The following BARD1 variants were observed in gnomAD, a reference collection of about 807,000 sequenced individuals.
BARD1 encodes BRCA1 associated RING domain 1, also known as BRCA1-associated RING domain protein 1.
Under a neutral mutation model 77.0 loss-of-function variants are expected in BARD1, and 73 were observed. The observed-to-expected ratio is 0.95, with a 90% CI of 0.79 to 1.15. The LOEUF (loss-of-function observed/expected upper bound fraction) is 1.15, where lower values mean the gene tolerates loss of function less well. Among genes scored for constraint, BARD1 ranks in the 50% most tolerant of loss-of-function variants. The pLI, the probability that BARD1 is intolerant of heterozygous loss-of-function variation, is 0.00. For synonymous variants in BARD1, 384 were observed against 338.0 expected, an observed-to-expected ratio of 1.14 and a Z score of -1.49; for missense variants, 993 against 938.8, an observed-to-expected ratio of 1.06 and a Z score of -0.75.
At chr2:214,801,607 GC>G (rs1167798216) in intron 1 of BARD1, among the ~76,000 whole-genome samples, 1 of 152,050 alleles carries the variant, frequency 6.6e-6, no homozygotes, top group East Asian at 1.9e-4. Flanking sequence ...ACTATTATTA[GC>G]CTATGTCCAT....
intron 1 of BARD1, 128 bp from the exon 2 acceptor site, chr2:214,797,245 G>A (rs1261689032): frequency 2.5e-6 from 2 of 795,310 alleles, no homozygotes; most frequent in African/African-American, 3.4e-5. Flanking sequence ...TATTAAGGAT[G>A]CATTCATTTG....
intron 6 of BARD1, among the ~76,000 whole-genome samples, chr2:214,766,908 T>A (rs1420135723): frequency 6.6e-6 from 1 of 152,096 alleles, no homozygotes; most frequent in Non-Finnish European, 1.5e-5. Flanking sequence ...GTTGTACAGA[T>A]TATTTCACCA....
chr2:214,763,213 CGAA>C (rs770308923), intron 6 of BARD1, among the ~76,000 whole-genome samples: 18 of 152,112 alleles, frequency 1.2e-4, no homozygotes, highest in Non-Finnish European at 2.4e-4. Flanking sequence ...TTTCAAAACT[CGAA>C]GTTCTTCTTC....
In BARD1 at chr2:214,726,304, G is replaced by C. The variant is rs1219630478; in HGVS notation, c.*2372C>G. On this transcript the variant is annotated 3_prime_UTR_variant, in exon 11 of 11. Transcript: ENST00000260947. ...AAAGTGGCAGCTGTCAAGGAAAAAG[G>C]GAAACAGTTATAAATTCAAGTAGAA... is the stretch of plus-strand genomic sequence containing the variant. The C allele has an allele frequency of 5.0e-6, 1 of 199,902 alleles. No individual in the cohort carries two copies. Among genetic ancestry groups the C allele is most frequent in the Non-Finnish European group, 1.0e-5 (1 of 96,782 alleles). 12.4% of individuals were successfully genotyped at this position (199,902 alleles called of 1,614,324 possible). A position where few individuals can be genotyped will look rare whatever the true frequency, so the allele number is the denominator to read the frequency against.
At chr2:214,748,481 A>G (rs1275155787) in intron 7 of BARD1, among the ~76,000 whole-genome samples, 2 of 152,152 alleles carry the variant, frequency 1.3e-5, no homozygotes, top group African/African-American at 4.8e-5. Flanking sequence ...AGATAAAATC[A>G]TTAGTTTTTC....
chr2:214,781,299 G>A lies in BARD1; in HGVS notation c.575C>T (p.Ser192Phe). Residue 192 changes from serine to phenylalanine, a missense_variant, in exon 4 of 11, where the codon TCT becomes TTT. Coordinates refer to ENST00000260947, the MANE Select transcript of BARD1 (RefSeq NM_000465.4). Reference protein sequence around the residue: ...FVSPSPPADVSERAKKASARS... With the variant: ...FVSPSPPADVFERAKKASARS... ...TGCAGAAGCCTTTTTAGCCCTCTCA[G>A]AAACATCTGCAGGAGGACTTGGGGA... is the stretch of plus-strand genomic sequence containing the variant. 6.2e-7 allele frequency: 1 copy of A among 1,608,574 alleles called. No individual in the cohort carries two copies. The highest frequency in any genetic ancestry group is 8.5e-7 in the Non-Finnish European group (1 of 1,178,676).
chr2:214,795,931 C>T (rs763768044), intron 2 of BARD1, among the ~76,000 whole-genome samples: 3 of 152,104 alleles, frequency 2.0e-5, no homozygotes, highest in Admixed American at 6.5e-5. Context: ...TGCTGGATAT[C>T]CCTCGTATAA....
At chr2:214,768,806 A>G (rs1405388475) in intron 5 of BARD1, among the ~76,000 whole-genome samples, 1 of 152,234 alleles carries the variant, frequency 6.6e-6, no homozygotes, top group East Asian at 1.9e-4. Context: ...CTACAATTGG[A>G]TAGGGTATAA....
At position 214,781,014 on chromosome 2, in the gene BARD1, T is replaced by C; in HGVS notation, c.860A>G (p.Glu287Gly). ...ATTCCTGCTCTTAGTGTCTGGAGACTCTATTTGCTCAGCCAATGGTAAAGA... is the reference window on the plus strand; with the variant it reads ...ATTCCTGCTCTTAGTGTCTGGAGACCCTATTTGCTCAGCCAATGGTAAAGA... ...EVSLPLAEQI[E>G]SPDTKSRNEV... The change falls in exon 4 of 11, where the codon GAG becomes GGG. Residue 287 changes from glutamate (E) to glycine (G), a missense_variant. Coordinates refer to ENST00000260947, the MANE Select transcript of BARD1 (RefSeq NM_000465.4). 6.2e-7 allele frequency: 1 copy of C among 1,612,696 alleles called. No homozygotes were observed. Among genetic ancestry groups the C allele is most frequent in the Non-Finnish European group, 8.5e-7 (1 of 1,179,372 alleles).
intron 9 of BARD1, among the ~76,000 whole-genome samples, chr2:214,744,087 C>T (rs1349216971): frequency 6.6e-6 from 1 of 152,070 alleles, no homozygotes; most frequent in Non-Finnish European, 1.5e-5. Context: ...GATATGTTAA[C>T]TATTAAGGAG....
At chr2:214,807,014 T>C (rs77412728) in intron 1 of BARD1, among the ~76,000 whole-genome samples, 11,691 of 152,188 alleles carry the variant, frequency 0.077, 526 homozygotes, top group African/African-American at 0.13. Context: ...AAGCCAGCAG[T>C]CTGTTTCTGT....
At position 214,751,983 on chromosome 2, in the gene BARD1, G is replaced by T. The variant is rs547383553; in HGVS notation, c.1677+464C>A. ...GCAGCCTCCTCACTTCAACATTCAGGCTTCAATTCAAATCAGTGCTTTAAG... is the reference window on the plus strand; with the variant it reads ...GCAGCCTCCTCACTTCAACATTCAGTCTTCAATTCAAATCAGTGCTTTAAG... On this transcript the variant is annotated intron_variant, in intron 7 of 10. Transcript: ENST00000260947. 3.9e-5 allele frequency among the ~76,000 whole-genome samples: 6 copies of T among 152,138 alleles called. No individual in the cohort carries two copies. In the South Asian group the frequency reaches 1.0e-3, roughly 26 times the overall value.
At chr2:214,759,400 A>T (rs1172305941) in intron 6 of BARD1, among the ~76,000 whole-genome samples, 1 of 152,188 alleles carries the variant, frequency 6.6e-6, no homozygotes, top group Admixed American at 6.5e-5. Context: ...TACAGAGGGC[A>T]GTGGGGAAGA....
chr2:214,738,715 G>A (rs1174203616), intron 9 of BARD1, among the ~76,000 whole-genome samples: 4 of 152,140 alleles, frequency 2.6e-5, no homozygotes, highest in Non-Finnish European at 5.9e-5. Context: ...AGAATACAAT[G>A]AAGATGGAAG....
intron 4 of BARD1, among the ~76,000 whole-genome samples, chr2:214,773,578 A>G (rs80074505): frequency 2.6e-3 from 393 of 152,334 alleles, no homozygotes; most frequent in African/African-American, 9.0e-3. Context: ...CAGCACATAT[A>G]AAAGTTATAT....
At chr2:214,788,396 C>T (rs531535991) in intron 3 of BARD1, among the ~76,000 whole-genome samples, 11 of 152,132 alleles carry the variant, frequency 7.2e-5, no homozygotes, top group African/African-American at 2.6e-4. Flanking sequence ...TTAAAGTACA[C>T]TGAACCAAGA....
intron 6 of BARD1, among the ~76,000 whole-genome samples, chr2:214,766,546 G>A (rs2106073498): frequency 6.6e-6 from 1 of 152,214 alleles, no homozygotes; most frequent in Non-Finnish European, 1.5e-5. Flanking sequence ...TCTGAATTAA[G>A]AAAGTAAATC....
At position 214,748,357 on chromosome 2, in the gene BARD1, CAA is replaced by C. The variant is rs1178841692; in HGVS notation, c.1678-2505_1678-2504del. Among the ~76,000 whole-genome samples, 8 of 151,996 alleles carry C rather than the reference CAA, an allele frequency of 5.3e-5. 1 individual carries two copies. The East Asian group carries it at 5.8e-4, about 11-fold the overall frequency. On this transcript the variant is annotated intron_variant, in intron 7 of 10. Coordinates refer to ENST00000260947, the MANE Select transcript of BARD1 (RefSeq NM_000465.4). ...GCATAGGTCTCTGACCCATGAGGCT[CAA>C]AAGAGGTACAAAAAACACCCCAAAG...
At chr2:214,750,395 T>C (rs1021311236) in intron 7 of BARD1, among the ~76,000 whole-genome samples, 2 of 152,286 alleles carry the variant, frequency 1.3e-5, no homozygotes, top group South Asian at 4.1e-4. Flanking sequence ...GGTCCCAACC[T>C]AACCCTTTAC....
Sources: allele counts gnomAD v4.1 joint callset (sites outside exome capture counted in the v4.1 genomes callset), GRCh38; gene constraint gnomAD v4.1.1; transcripts MANE v1.5; gene names NCBI Gene and HGNC (gene_info 2026-07-23, HGNC 2026-07-21).